Variants in CREBBP observed in about 807,000 individuals in gnomAD.
The protein encoded by CREBBP is CREB-binding protein.
A neutral mutation model predicts 265.0 loss-of-function variants in CREBBP; 19 were observed. The ratio of observed to expected loss-of-function variants is 0.07; its 90% CI spans 0.05 to 0.11. The LOEUF is 0.11. Among genes scored for constraint, CREBBP ranks in the 10% least tolerant of loss-of-function variants. The probability of loss-of-function intolerance (pLI) is 1.00; values close to 1 mark genes in which losing one functional copy is unlikely to be tolerated. For missense variants in CREBBP, 2,525 were observed against 3,219.0 expected, an observed-to-expected ratio of 0.78 and a Z score of 5.22; for synonymous variants, 1,457 against 1,223.7, an observed-to-expected ratio of 1.19 and a Z score of -3.98.
intron 19 of CREBBP, among the ~76,000 whole-genome samples, chr16:3,753,849 G>A (rs1055403325): frequency 2.0e-5 from 3 of 152,160 alleles, no homozygotes; most frequent in African/African-American, 4.8e-5. Flanking sequence ...AGAAGGGACC[G>A]TTCAAGACAT....
At chr16:3,798,071 G>C (rs1428597542) in intron 3 of CREBBP, among the ~76,000 whole-genome samples, 1 of 152,206 alleles carries the variant, frequency 6.6e-6, no homozygotes, top group African/African-American at 2.4e-5. Flanking sequence ...GGCAACACAA[G>C]GGAGGGAGGG....
chr16:3,761,737 A>G (rs909979888), intron 16 of CREBBP, among the ~76,000 whole-genome samples: 1 of 152,268 alleles, frequency 6.6e-6, no homozygotes, highest in Non-Finnish European at 1.5e-5. Context: ...TCCAGGGTGC[A>G]GACGTGCCCT....
In CREBBP at chr16:3,727,996, A is replaced by G. The variant is rs2151299578; in HGVS notation, c.7051T>C (p.Ser2351Pro). The change falls in exon 31 of 31, where the codon TCT becomes CCT. Residue 2351 changes from serine to proline, a missense_variant. Ser to Pro is a moderately conservative substitution (Grantham distance 74). This residue lies in a region of CREBBP where 473 missense variants were observed against 459.3 expected (regional missense o/e 1.03). Transcript: ENST00000262367. ...GGAGGCTGGGACTGGGGCCGTGGAG[A>G]CTGGACAGGGGCTGGAGACCGCACC... ...NQVRSPAPVQ[S>P]PRPQSQPPHS... 1 of 1,608,262 alleles carries G rather than the reference A, an allele frequency of 6.2e-7. No homozygotes were observed.
At position 3,727,323 on chromosome 16, in the gene CREBBP, T is replaced by G. The variant is rs2051770036; in HGVS notation, c.*395A>C. On this transcript the variant is annotated 3_prime_UTR_variant, in exon 31 of 31. Transcript: ENST00000262367. ...TCTGAATATTATTTTTCTTCTTACT[T>G]TTAAACATAAATGTTTAAAGTCTTG... 1 of 267,862 alleles carries G rather than the reference T, an allele frequency of 3.7e-6. No individual in the cohort carries two copies. Among genetic ancestry groups the G allele is most frequent in the African/African-American group, 2.2e-5 (1 of 45,398 alleles). 16.6% of individuals were successfully genotyped at this position (267,862 alleles called of 1,614,324 possible).
At chr16:3,759,126 A>G (rs2052651654) in intron 16 of CREBBP, among the ~76,000 whole-genome samples, 154 bp from the exon 17 acceptor site, 1 of 152,230 alleles carries the variant, frequency 6.6e-6, no homozygotes, top group Admixed American at 6.5e-5. Context: ...TAAGGACTAA[A>G]GCTTCTGAAA....
At chr16:3,775,268 A>G (rs1182730913) in intron 11 of CREBBP, among the ~76,000 whole-genome samples, 1 of 152,204 alleles carries the variant, frequency 6.6e-6, no homozygotes, top group Non-Finnish European at 1.5e-5. Flanking sequence ...AGCATTAAGA[A>G]GTGCCCAAGG....
chr16:3,772,576 T>G (rs910446589), intron 13 of CREBBP, among the ~76,000 whole-genome samples: 5 of 152,132 alleles, frequency 3.3e-5, no homozygotes, highest in Admixed American at 3.3e-4. Flanking sequence ...CACAGCAGCT[T>G]CTGCACTACA....
rs1013334018 is a variant in CREBBP, at chr16:3,778,786, C to T, written c.1855G>A (p.Ala619Thr). 1.9e-6 allele frequency: 3 copies of T among 1,613,876 alleles called. No individual in the cohort carries two copies. The highest frequency in any genetic ancestry group is 1.1e-5 in the South Asian group (1 of 91,078). ...TCCATGCGGCGATCCTTTAGAGCTG[C>T]GGGATCAGGTGTTGGGAAGATGGCT... ...VQAIFPTPDP[A>T]ALKDRRMENL... The change falls in exon 9 of 31, where the codon GCA becomes ACA. Residue 619 changes from alanine to threonine, a missense_variant. This residue lies in a region of CREBBP where 29 missense variants were observed against 99.9 expected (regional missense o/e 0.29). Transcript: ENST00000262367.
intron 2 of CREBBP, among the ~76,000 whole-genome samples, chr16:3,844,158 A>G (rs2141461134): frequency 6.7e-6 from 1 of 149,416 alleles, no homozygotes. Flanking sequence ...AAAAAAAAAA[A>G]AAAAAAAAAA....
At chr16:3,814,465 ACGC>A (rs2054000880) in intron 2 of CREBBP, among the ~76,000 whole-genome samples, 1 of 152,034 alleles carries the variant, frequency 6.6e-6, no homozygotes, top group Admixed American at 6.6e-5. Flanking sequence ...CATGTTGGCC[ACGC>A]TGGCCTCAAA....
intron 3 of CREBBP, among the ~76,000 whole-genome samples, chr16:3,809,295 A>G (rs2053891109): frequency 1.3e-5 from 2 of 151,932 alleles, no homozygotes; most frequent in African/African-American, 4.8e-5. Flanking sequence ...CTCTTGCCTC[A>G]GCCTCCTGAG....
rs1172037636 is a variant in CREBBP at position 3,803,260 on chromosome 16, CGGGGAGGGGGGGGGGG to C, written c.975+7327_975+7342del. Among the ~76,000 whole-genome samples, 4 of 8,454 alleles carry C rather than the reference CGGGGAGGGGGGGGGGG, an allele frequency of 4.7e-4. No individual in the cohort carries two copies. In the East Asian group the frequency reaches 8.0e-3, roughly 17 times the overall value. 5.5% of individuals were successfully genotyped at this position (8,454 alleles called of 152,430 possible). A position where few individuals can be genotyped will look rare whatever the true frequency, so the allele number is the denominator to read the frequency against. On this transcript the variant is annotated intron_variant, in intron 3 of 30. Coordinates refer to ENST00000262367, the MANE Select transcript of CREBBP (RefSeq NM_004380.3). ...TCCCAGCACTTTGGGAGGCTGACGGCGGGGAGGGGGGGGGGGGGGGTGGATCACGAGGTCAGGAGTT... is the reference window on the plus strand; with the variant it reads ...TCCCAGCACTTTGGGAGGCTGACGGCGGGGTGGATCACGAGGTCAGGAGTT...
rs374087365 is a variant in CREBBP at position 3,842,605 on chromosome 16, T to C, written c.798+7692A>G. On this transcript the variant is annotated intron_variant, in intron 2 of 30. Coordinates refer to ENST00000262367, the MANE Select transcript of CREBBP (RefSeq NM_004380.3). ...AAATAGTAATATCATGTATTGTTAA[T>C]ATTGCCATGTTGTCAACAAGGGTCA... 1.1e-4 allele frequency among the ~76,000 whole-genome samples: 17 copies of C among 152,296 alleles called. No individual in the cohort carries two copies. In the East Asian group the frequency reaches 1.9e-3, roughly 17 times the overall value.
intron 30 of CREBBP, 66 bp from the exon 31 acceptor site, chr16:3,729,940 T>A (rs2051866794): frequency 6.3e-7 from 1 of 1,580,758 alleles, no homozygotes; most frequent in African/African-American, 1.3e-5. Context: ...GCATCCTGGC[T>A]GCTTCCCTCC....
intron 21 of CREBBP, among the ~76,000 whole-genome samples, chr16:3,747,404 T>C (rs1029451058): frequency 2.0e-5 from 3 of 152,244 alleles, no homozygotes; most frequent in African/African-American, 4.8e-5. Flanking sequence ...TGTTCTTTCA[T>C]GCCTTTGTTT....
Position 3,850,543 on chromosome 16 carries a change from G to T in CREBBP, c.552C>A (p.Thr184=), listed in dbSNP as rs1384600226. 14 of 1,614,222 alleles carry T rather than the reference G, an allele frequency of 8.7e-6. No individual in the cohort carries two copies. The highest frequency in any genetic ancestry group is 1.1e-5 in the Non-Finnish European group (13 of 1,180,032). Residue 184 remains threonine (T), a synonymous_variant, in exon 2 of 31, where the codon ACC becomes ACA. Coordinates refer to ENST00000262367, the MANE Select transcript of CREBBP (RefSeq NM_004380.3). The part of the protein sequence containing the change: ...GICMNANFNQ[T]HPGLLNSNSG... Reference sequence around the variant, plus strand: ...AGTTACTATTGAGGAGGCCTGGGTGGGTCTGGTTAAAGTTAGCATTCATGC... The same window carrying T: ...AGTTACTATTGAGGAGGCCTGGGTGTGTCTGGTTAAAGTTAGCATTCATGC...
intron 2 of CREBBP, among the ~76,000 whole-genome samples, chr16:3,849,433 GTGTGTGTGTGTGTGT>G (rs1567360275): frequency 0.02 from 289 of 14,290 alleles, 13 homozygotes; most frequent in Non-Finnish European, 0.047. Context: ...GTGTGTGTGT[GTGTGTGTGTGTGTGT>G]GTGTGTGTGT....
chr16:3,836,534 T>C (rs2054456430), intron 2 of CREBBP, among the ~76,000 whole-genome samples: 1 of 152,058 alleles, frequency 6.6e-6, no homozygotes, highest in Non-Finnish European at 1.5e-5. Context: ...AGGAACTTTC[T>C]GGGCTAAGAG....
chr16:3,756,438 CA>C (rs2052588103), intron 19 of CREBBP, among the ~76,000 whole-genome samples: 1 of 152,210 alleles, frequency 6.6e-6, no homozygotes, highest in Admixed American at 6.5e-5. Flanking sequence ...GAAACCACAA[CA>C]AAAAATACTA....
Sources: allele counts gnomAD v4.1 joint callset (sites outside exome capture counted in the v4.1 genomes callset), GRCh38; gene constraint gnomAD v4.1.1; regional missense constraint gnomAD v4.1.1; transcripts MANE v1.5; gene names NCBI Gene and HGNC (gene_info 2026-07-23, HGNC 2026-07-21).